NFIB: variants seen among roughly 807,000 people sequenced by gnomAD.
NFIB encodes nuclear factor 1 B-type.
Under a neutral mutation model 61.5 loss-of-function variants are expected in NFIB, and 11 were observed. That is an observed-to-expected ratio of 0.18 (90% CI 0.11 to 0.30). The LOEUF is 0.30. Ranked by LOEUF, NFIB falls within the 10% of genes least tolerant of loss-of-function variation. The pLI is 1.00. For missense variants in NFIB, 471 were observed against 608.9 expected (o/e 0.77, Z 2.38); for synonymous variants, 260 against 216.5 (o/e 1.20, Z -1.76).
At chr9:14,466,587 T>C in the NFIB span, among the ~76,000 whole-genome samples, 1 of 152,178 alleles carries the variant, frequency 6.6e-6, no homozygotes, top group Non-Finnish European at 1.5e-5. Flanking sequence ...AGCTCCCGTC[T>C]GTCAGCCTTC....
chr9:14,349,146 G>A (rs1408564649), intron 1 of NFIB, among the ~76,000 whole-genome samples: 1 of 152,200 alleles, frequency 6.6e-6, no homozygotes, highest in Non-Finnish European at 1.5e-5. Context: ...CAATCTAACT[G>A]AATGGGGGAG....
At chr9:14,346,378 C>T (rs2061023264) in intron 1 of NFIB, among the ~76,000 whole-genome samples, 1 of 150,354 alleles carries the variant, frequency 6.7e-6, no homozygotes, top group African/African-American at 2.4e-5. Flanking sequence ...CGTCATCTGC[C>T]ACGTGTGATA....
chr9:14,451,623 A>G, the NFIB span, among the ~76,000 whole-genome samples: 2 of 152,260 alleles, frequency 1.3e-5, no homozygotes, highest in East Asian at 3.8e-4. Flanking sequence ...GAACTAGCAT[A>G]CAAGTATCCA....
chr9:14,360,769 C>T (rs2061229837), intron 1 of NFIB, among the ~76,000 whole-genome samples: 1 of 152,046 alleles, frequency 6.6e-6, no homozygotes, highest in East Asian at 1.9e-4. Context: ...TGGTCTCGAT[C>T]TCCTGACCTC....
At chr9:14,452,485 AGG>A in the NFIB span, among the ~76,000 whole-genome samples, 3 of 149,570 alleles carry the variant, frequency 2.0e-5, no homozygotes, top group African/African-American at 7.4e-5. Context: ...AGGAAAGGAA[AGG>A]AAAGGAAAGG....
the NFIB span, among the ~76,000 whole-genome samples, chr9:14,433,380 G>A: frequency 1.3e-4 from 20 of 152,134 alleles, no homozygotes; most frequent in African/African-American, 4.6e-4. Flanking sequence ...TTCGTTTTGA[G>A]CAACAACTGG....
Position 14,095,964 on chromosome 9 carries a change from C to G in NFIB, c.1468-7638G>C, listed in dbSNP as rs181053402. 1.2e-4 allele frequency among the ~76,000 whole-genome samples: 18 copies of G among 152,164 alleles called. No homozygotes were observed. The East Asian group carries it at 3.1e-3, about 26-fold the overall frequency. ...AATTCGTGTTCTTCAATTACTTGAC[C>G]TTAAGATTTTGCCATTTCTTTTATC... On this transcript the variant is annotated intron_variant, in intron 10 of 10. Transcript: ENST00000380953.
At chr9:14,229,113 A>G (rs1003786396) in intron 2 of NFIB, among the ~76,000 whole-genome samples, 2 of 152,096 alleles carry the variant, frequency 1.3e-5, no homozygotes, top group Non-Finnish European at 2.9e-5. Context: ...AAAATCAACT[A>G]CATACGATTT....
intron 2 of NFIB, among the ~76,000 whole-genome samples, chr9:14,265,877 A>G (rs1365309331): frequency 2.0e-5 from 3 of 152,196 alleles, no homozygotes; most frequent in Non-Finnish European, 4.4e-5. Flanking sequence ...AGGGAAGTAG[A>G]AAGTACTACA....
rs1246811057 is a variant in NFIB, at chr9:14,120,562, G to A, written c.1123C>T (p.Pro375Ser). 1 of 1,613,870 alleles carries A rather than the reference G, an allele frequency of 6.2e-7. No homozygotes were observed. The highest frequency in any genetic ancestry group is 1.1e-5 in the South Asian group (1 of 91,008). ...GAAAAGTAGCTCGATGGGGCTGGAG[G>A]AAGGATAGCTTGTGTTGGAAATGGC... Reference protein sequence around the residue: ...PLPFPTQAILPPAPSSYFSHP... With the variant: ...PLPFPTQAILSPAPSSYFSHP... Residue 375 changes from proline (P) to serine (S), a missense_variant, in exon 8 of 11, where the codon CCT becomes TCT. Pro to Ser is a moderately conservative substitution (Grantham distance 74). This residue lies in a region of NFIB where 372 missense variants were observed against 395.6 expected (regional missense o/e 0.94). Transcript: ENST00000380953. The surrounding 1 kb of genome is among the most constrained non-coding windows in gnomAD (Gnocchi z 4.4).
intron 2 of NFIB, among the ~76,000 whole-genome samples, chr9:14,284,611 C>T (rs1211750321): frequency 2.6e-5 from 4 of 152,138 alleles, no homozygotes; most frequent in African/African-American, 7.2e-5. Flanking sequence ...CTAAAATATA[C>T]GTTCTTTGTT....
intron 4 of NFIB, among the ~76,000 whole-genome samples, chr9:14,153,685 C>G (rs1446089699): frequency 6.6e-6 from 1 of 152,110 alleles, no homozygotes; most frequent in African/African-American, 2.4e-5. Flanking sequence ...ATCAGTGGGT[C>G]TTATGATTGT....
chr9:14,504,235 TAGTA>T, the NFIB span, among the ~76,000 whole-genome samples: 1 of 152,244 alleles, frequency 6.6e-6, no homozygotes, highest in African/African-American at 2.4e-5. Flanking sequence ...TATGGCCTTA[TAGTA>T]TAGTTTGAAG....
chr9:14,267,396 G>C (rs564276618), intron 2 of NFIB, among the ~76,000 whole-genome samples: 1 of 152,190 alleles, frequency 6.6e-6, no homozygotes, highest in East Asian at 1.9e-4. Context: ...CTGTCCCTGA[G>C]GTTATCTCAA....
the NFIB span, among the ~76,000 whole-genome samples, chr9:14,457,898 C>T: frequency 6.6e-6 from 1 of 152,246 alleles, no homozygotes; most frequent in East Asian, 1.9e-4. Context: ...CAAAAAAAGT[C>T]CAGGACCAGG....
intron 2 of NFIB, among the ~76,000 whole-genome samples, chr9:14,259,920 C>T (rs1176622679): frequency 1.3e-5 from 2 of 151,996 alleles, no homozygotes; most frequent in African/African-American, 4.8e-5. Flanking sequence ...CAAAACGAAA[C>T]GAAACAAAAC....
chr9:14,291,262 A>G (rs1020540484), intron 2 of NFIB, among the ~76,000 whole-genome samples: 31 of 152,090 alleles, frequency 2.0e-4, no homozygotes, highest in African/African-American at 7.5e-4. Context: ...AGGTGGGTGG[A>G]TCACTCGAGG....
intron 8 of NFIB, among the ~76,000 whole-genome samples, chr9:14,118,426 T>C (rs544835499): frequency 1.2e-4 from 18 of 152,188 alleles, no homozygotes; most frequent in Admixed American, 3.3e-4. Context: ...CCTACTGGAA[T>C]TGAACAACAT....
intron 2 of NFIB, among the ~76,000 whole-genome samples, chr9:14,206,791 C>A (rs1165531598): frequency 6.7e-6 from 1 of 150,022 alleles, no homozygotes; most frequent in Non-Finnish European, 1.5e-5. Context: ...TGCCAAGTAG[C>A]TATATTTTAT....
Sources: allele counts gnomAD v4.1 joint callset (sites outside exome capture counted in the v4.1 genomes callset), GRCh38; gene constraint gnomAD v4.1.1; regional missense constraint gnomAD v4.1.1; non-coding constraint Gnocchi (gnomAD v3.1); transcripts MANE v1.5; gene names NCBI Gene and HGNC (gene_info 2026-07-23, HGNC 2026-07-21).